The following SYT1 variants were observed in gnomAD, a reference collection of about 807,000 sequenced individuals.
The protein encoded by SYT1 is synaptotagmin-1.
SYT1 carries 8 observed loss-of-function variants against 44.8 expected under a neutral mutation model. The observed-to-expected ratio is 0.18, with a 90% confidence interval of 0.10 to 0.32. The LOEUF is 0.32. Ranked by LOEUF, SYT1 falls within the 10% of genes least tolerant of loss-of-function variation. The probability of loss-of-function intolerance (pLI) is 1.00; values close to 1 mark genes in which losing one functional copy is unlikely to be tolerated. For missense variants in SYT1, 286 were observed against 509.3 expected (o/e 0.56, Z 4.22); for synonymous variants, 154 against 188.8 (o/e 0.82, Z 1.51).
chr12:79,206,497 G>GA (rs58071778), intron 3 of SYT1, among the ~76,000 whole-genome samples: 9,389 of 151,956 alleles, frequency 0.062, 579 homozygotes, highest in African/African-American at 0.16. Context: ...CAGATTTTAA[G>GA]AAAAATCCCC....
chr12:79,134,413 A>T (rs1435020072), intron 3 of SYT1, among the ~76,000 whole-genome samples: 3 of 152,210 alleles, frequency 2.0e-5, no homozygotes, highest in African/African-American at 4.8e-5. Context: ...TTGACTGGGT[A>T]TTCAGCAGAA....
chr12:79,072,771 T>C (rs1343369482), intron 3 of SYT1, among the ~76,000 whole-genome samples: 1 of 152,108 alleles, frequency 6.6e-6, no homozygotes, highest in African/African-American at 2.4e-5. Context: ...AATGGAACGA[T>C]TAATTCATTC....
At chr12:79,111,979 C>T (rs1029410225) in intron 3 of SYT1, among the ~76,000 whole-genome samples, 1 of 150,224 alleles carries the variant, frequency 6.7e-6, no homozygotes, top group African/African-American at 2.4e-5. Context: ...ATAATAGATA[C>T]AATCTTTGCC....
At chr12:79,202,397 T>C (rs1014972732) in intron 3 of SYT1, among the ~76,000 whole-genome samples, 3 of 152,200 alleles carry the variant, frequency 2.0e-5, no homozygotes, top group African/African-American at 7.2e-5. Context: ...AAGTGGTGTG[T>C]TCTGGGTTTG....
intron 8 of SYT1, among the ~76,000 whole-genome samples, chr12:79,300,691 C>T (rs1314496714): frequency 1.3e-5 from 2 of 150,810 alleles, no homozygotes; most frequent in Non-Finnish European, 3.0e-5. Context: ...TTAAGTTAAA[C>T]TCTGCTCTTT....
At position 79,178,879 on chromosome 12, in the gene SYT1, G is replaced by T; in HGVS notation, c.-17-38624G>T. Among the ~76,000 whole-genome samples the T allele has an allele frequency of 1.4e-5, 2 of 147,642 alleles. 1 individual carries two copies. Among genetic ancestry groups the T allele is most frequent in the Non-Finnish European group, 3.0e-5 (2 of 67,180 alleles). On this transcript the variant is annotated intron_variant, in intron 3 of 10. Transcript: ENST00000261205. ...TGCAATCTCCTCAGCCTCCTGAGTA[G>T]CTGGGATTTCATGCATGCGCCACCA...
At position 79,036,618 on chromosome 12, in the gene SYT1, A is replaced by G. The variant is rs79017757; in HGVS notation, c.-83-10679A>G. The G allele has an allele frequency of 9.3e-4, 142 of 151,968 alleles. 1 individual carries two copies. Among genetic ancestry groups the G allele is most frequent in the African/African-American group, 3.2e-3 (133 of 41,502 alleles). 9.4% of individuals were successfully genotyped at this position (151,968 alleles called of 1,614,324 possible). A position where few individuals can be genotyped will look rare whatever the true frequency, so the allele number is the denominator to read the frequency against. On this transcript the variant is annotated intron_variant, in intron 2 of 10. Coordinates refer to ENST00000261205, the MANE Select transcript of SYT1 (RefSeq NM_005639.3). ...TAAAGATTTCTACATCTGCATACCT[A>G]TATCAATAGTACATGTGAATGTCAG...
chr12:79,273,229 A>C (rs1214788133), intron 4 of SYT1, among the ~76,000 whole-genome samples: 2 of 150,332 alleles, frequency 1.3e-5, no homozygotes, highest in Non-Finnish European at 3.0e-5. Flanking sequence ...TGATCCTATC[A>C]CCTCAGCTCC....
At chr12:78,974,738 GA>G (rs1352011918) in intron 1 of SYT1, among the ~76,000 whole-genome samples, 1 of 152,050 alleles carries the variant, frequency 6.6e-6, no homozygotes. Context: ...CCCCGGCCCT[GA>G]AAATTATTTT....
At chr12:79,039,612 ATT>A (rs1190611901) in intron 2 of SYT1, among the ~76,000 whole-genome samples, 9 of 147,974 alleles carry the variant, frequency 6.1e-5, no homozygotes, top group South Asian at 2.2e-4. Context: ...TTTTTTATTT[ATT>A]TTTATTTTTT....
chr12:78,932,405 C>G (rs1347408160), intron 1 of SYT1, among the ~76,000 whole-genome samples: 2 of 152,098 alleles, frequency 1.3e-5, no homozygotes, highest in African/African-American at 4.8e-5. Flanking sequence ...GGATTATATT[C>G]AGTGCCAGTT....
chr12:78,893,260 C>T (rs1224116955), intron 1 of SYT1, among the ~76,000 whole-genome samples: 1 of 151,684 alleles, frequency 6.6e-6, no homozygotes, highest in Non-Finnish European at 1.5e-5. Context: ...TTTAAAATTT[C>T]CACTGCTGAT....
intron 8 of SYT1, among the ~76,000 whole-genome samples, chr12:79,338,984 C>T (rs563181846): frequency 6.6e-6 from 1 of 152,146 alleles, no homozygotes; most frequent in Non-Finnish European, 1.5e-5. Context: ...CATGTCACTA[C>T]AAACAACATG....
At chr12:79,049,838 T>A (rs1459892714) in intron 3 of SYT1, among the ~76,000 whole-genome samples, 1 of 152,030 alleles carries the variant, frequency 6.6e-6, no homozygotes, top group Non-Finnish European at 1.5e-5. Context: ...AACAAGTTGA[T>A]AATTGATTAA....
intron 3 of SYT1, among the ~76,000 whole-genome samples, chr12:79,095,638 C>T (rs1311726987): frequency 6.6e-6 from 1 of 151,808 alleles, no homozygotes; most frequent in Non-Finnish European, 1.5e-5. Flanking sequence ...CTCAACTGGG[C>T]TCTAAAGGCA....
intron 9 of SYT1, among the ~76,000 whole-genome samples, chr12:79,431,494 G>T (rs1185879515): frequency 2.0e-5 from 3 of 148,610 alleles, no homozygotes; most frequent in Admixed American, 1.4e-4. Context: ...TAAAGCCATA[G>T]TTTATTTTAT....
At chr12:79,303,884 G>C (rs1054736758) in intron 8 of SYT1, among the ~76,000 whole-genome samples, 1 of 152,060 alleles carries the variant, frequency 6.6e-6, no homozygotes, top group African/African-American at 2.4e-5. Flanking sequence ...CTATTTCTAA[G>C]TACATTTAGC....
At chr12:79,279,177 A>T (rs1469837865) in intron 4 of SYT1, among the ~76,000 whole-genome samples, 2 of 151,974 alleles carry the variant, frequency 1.3e-5, no homozygotes, top group Non-Finnish European at 2.9e-5. Flanking sequence ...GTATCACCCT[A>T]ATAACCAAGC....
At chr12:79,246,078 T>C (rs749190902) in intron 4 of SYT1, among the ~76,000 whole-genome samples, 10 of 152,070 alleles carry the variant, frequency 6.6e-5, no homozygotes, top group Non-Finnish European at 1.2e-4. Context: ...TTTTAAAAAA[T>C]AGGGAGTTAT....
Sources: gnomAD v4.1 joint callset for allele counts (sites outside exome capture counted in the v4.1 genomes callset) on GRCh38, gnomAD v4.1.1 for gene constraint, MANE v1.5 for transcripts, NCBI Gene and HGNC (gene_info 2026-07-23, HGNC 2026-07-21) for gene names.